The following TLE2 variants were observed in gnomAD, a reference collection of about 807,000 sequenced individuals.
The protein encoded by TLE2 is transducin-like enhancer protein 2.
TLE2 carries 74 observed loss-of-function variants against 97.2 expected under a neutral mutation model. The observed-to-expected ratio is 0.76, with a 90% CI of 0.63 to 0.92. TLE2 has a LOEUF of 0.92. TLE2 is among the 40% of genes least tolerant of loss of function. The pLI is 0.00. For missense variants in TLE2, 1,038 were observed against 1,008.7 expected (o/e 1.03, Z -0.39); for synonymous variants, 499 against 432.1 (o/e 1.15, Z -1.92).
intron 19 of TLE2, among the ~76,000 whole-genome samples, chr19:2,999,109 C>A (rs62125442): frequency 2.0e-5 from 3 of 151,800 alleles, no homozygotes; most frequent in Non-Finnish European, 4.4e-5. Context: ...TGGGGAATCC[C>A]CGTCTCTACT....
rs776053623 is a variant in TLE2 at position 3,027,860 on chromosome 19, G to A, written c.200C>T (p.Ser67Leu). ...ATGCATTTCAATGTTGAGCCCGTAC[G>A]ACATCTCATAATACTGCAAAGGAAA... ...QRHYVMYYEM[S>L]YGLNIEMHKQ... Residue 67 changes from serine (S) to leucine (L), a missense_variant, in exon 4 of 20, where the codon TCG (serine) becomes TTG (leucine). Physicochemically the swap from Ser to Leu is moderately radical, Grantham distance 145. Transcript: ENST00000262953. The A allele has an allele frequency of 6.2e-6, 10 of 1,611,196 alleles. No homozygotes were observed. The Admixed American group carries it at 1.0e-4, about 16-fold the overall frequency.
chr19:3,027,671 T>C (rs770990905), intron 4 of TLE2, among the ~76,000 whole-genome samples, 158 bp downstream of exon 4: 3 of 152,180 alleles, frequency 2.0e-5, no homozygotes, highest in Admixed American at 6.5e-5. Context: ...TCTGTCTTCC[T>C]GGTCCCAGAT....
intron 19 of TLE2, 70 bp downstream of exon 19, chr19:3,000,577 C>T (rs1319542652): frequency 3.5e-6 from 5 of 1,431,650 alleles, no homozygotes; most frequent in Non-Finnish European, 4.8e-6. Context: ...CAGGGGCAAT[C>T]TCTCTGTCTG....
At position 3,015,658 on chromosome 19, in the gene TLE2, G is replaced by A; in HGVS notation, c.673C>T (p.Pro225Ser). The A allele has an allele frequency of 6.2e-7, 1 of 1,607,278 alleles. No individual in the cohort carries two copies. Among genetic ancestry groups the A allele is most frequent in the Non-Finnish European group, 8.5e-7 (1 of 1,177,582 alleles). ...CTGCACCTGCCCCCACTCACATAAG[G>A]TCCTGATGGCTCCTTCTCATCTGCT... ...QRADEKEPSG[P>S]YESDEDKSDY... Residue 225 changes from proline (P) to serine (S), a missense_variant, in exon 9 of 20, where the codon CCT (proline) becomes TCT (serine). Physicochemically the swap from Pro to Ser is moderately conservative, Grantham distance 74. Coordinates refer to ENST00000262953, the MANE Select transcript of TLE2 (RefSeq NM_003260.5).
In TLE2 at chr19:3,019,501, C is replaced by T. The variant is rs754392605; in HGVS notation, c.370-38G>A. ...AGGCAGGATGGGCCGGGGCGGGGGG[C>T]GGCAGGAGCCCAGCGGTCCCCAGCC... On this transcript the variant is annotated intron_variant, in intron 6 of 19. Coordinates refer to ENST00000262953, the MANE Select transcript of TLE2 (RefSeq NM_003260.5). The surrounding 1 kb of genome is among the most constrained non-coding windows in gnomAD (Gnocchi z 5.1). 9.4e-6 allele frequency: 14 copies of T among 1,484,544 alleles called. No individual in the cohort carries two copies. Among genetic ancestry groups the T allele is most frequent in the Middle Eastern group, 2.3e-4 (1 of 4,326 alleles). 92.0% of individuals were successfully genotyped at this position (1,484,544 alleles called of 1,614,324 possible).
rs530394864 is a variant in TLE2, at chr19:3,005,966, G to A, written c.1503C>T (p.Asn501=). 1.6e-5 allele frequency: 26 copies of A among 1,609,932 alleles called. No individual in the cohort carries two copies. In the Middle Eastern group the frequency reaches 1.2e-3, roughly 72 times the overall value. The part of the protein sequence containing the change: ...KTPVAQLDCL[N]RDNYIRSCKL... ...TGCAGGAACGAATGTAGTTGTCTCG[G>A]TTCTGGGGTCGGGGAGAGAAGCAGG... is the stretch of plus-strand genomic sequence containing the variant. Residue 501 remains asparagine (N), a splice_region_variant and synonymous_variant, in exon 16 of 20, where the codon AAC becomes AAT. Transcript: ENST00000262953.
At chr19:3,022,799 G>T (rs1333977979) in intron 5 of TLE2, among the ~76,000 whole-genome samples, 1 of 152,002 alleles carries the variant, frequency 6.6e-6, no homozygotes, top group Non-Finnish European at 1.5e-5. Context: ...GGATGGGTTG[G>T]AAGACTTTCT....
At chr19:3,026,674 C>T (rs1212847502) in intron 4 of TLE2, among the ~76,000 whole-genome samples, 1 of 148,898 alleles carries the variant, frequency 6.7e-6, no homozygotes, top group Admixed American at 6.7e-5. Flanking sequence ...ATCTCTGAAC[C>T]CTGATGTCTA....
At chr19:3,028,596 G>A in intron 2 of TLE2, 110 bp downstream of exon 2, 1 of 1,317,380 alleles carries the variant, frequency 7.6e-7, no homozygotes, top group Non-Finnish European at 1.1e-6. Context: ...GGCCTTTGTC[G>A]CGCCCCCCCT....
chr19:3,044,565 G>A (rs538443355), intron 1 of TLE2, among the ~76,000 whole-genome samples: 49 of 152,328 alleles, frequency 3.2e-4, no homozygotes, highest in African/African-American at 1.1e-3. Context: ...GATTACAGGT[G>A]TGCGCCACCA....
Position 3,019,039 on chromosome 19 carries a change from C to A in TLE2, c.550+244G>T, listed in dbSNP as rs2089779887. ...TCGGCCTCCTAAGTACCTGGGAATA[C>A]AGGTGTGCACCATCCCACCCAGCAA... On this transcript the variant is annotated intron_variant, in intron 7 of 19. Transcript: ENST00000262953. This position sits in a 1 kb window ranked among gnomAD's most constrained non-coding sequence, Gnocchi z 5.1. Among the ~76,000 whole-genome samples the A allele has an allele frequency of 6.6e-6, 1 of 151,928 alleles. No homozygotes were observed.
chr19:3,041,215 T>C (rs367612440), intron 1 of TLE2, among the ~76,000 whole-genome samples: 1 of 150,844 alleles, frequency 6.6e-6, no homozygotes, highest in East Asian at 1.9e-4. Context: ...TTAGTAGAGA[T>C]GGGGTTTCAC....
chr19:3,019,563 C>T lies in TLE2; in HGVS notation c.370-100G>A. On this transcript the variant is annotated intron_variant, in intron 6 of 19. Transcript: ENST00000262953. The surrounding 1 kb of genome is among the most constrained non-coding windows in gnomAD (Gnocchi z 5.1). ...CACAGGGGATGGGACCTAAGCACAG[C>T]ATGTGCCCCTGGGGTTCCCAGGACC... 6.7e-7 allele frequency: 1 copy of T among 1,495,924 alleles called. No individual in the cohort carries two copies. 92.7% of individuals were successfully genotyped at this position (1,495,924 alleles called of 1,614,324 possible).
chr19:3,016,419 C>CAAAAAAAAA (rs34669546), intron 8 of TLE2, among the ~76,000 whole-genome samples: 84 of 91,308 alleles, frequency 9.2e-4, no homozygotes, highest in Non-Finnish European at 1.2e-3. Context: ...ACTAAAAATA[C>CAAAAAAAAA]AAAAAAAAAA....
At chr19:3,022,861 G>A (rs1184762349) in intron 5 of TLE2, among the ~76,000 whole-genome samples, 1 of 152,120 alleles carries the variant, frequency 6.6e-6, no homozygotes, top group Non-Finnish European at 1.5e-5. Flanking sequence ...AGAGGTCTCT[G>A]TTGCAACTAC....
At chr19:2,999,239 G>A (rs780900504) in intron 19 of TLE2, among the ~76,000 whole-genome samples, 20 of 151,994 alleles carry the variant, frequency 1.3e-4, no homozygotes, top group Middle Eastern at 3.4e-3. Context: ...CTGAGATTGC[G>A]CCACTGCACT....
upstream of TLE2, among the ~76,000 whole-genome samples, chr19:3,033,745 T>C (rs2090043123): frequency 6.6e-6 from 1 of 152,056 alleles, no homozygotes; most frequent in African/African-American, 2.4e-5. Context: ...TAAGCACAGG[T>C]GTGGTGGCTC....
chr19:3,005,524 C>G lies in TLE2; in HGVS notation c.1809G>C (p.Arg603=). 6.2e-7 allele frequency: 1 copy of G among 1,613,710 alleles called. No homozygotes were observed. Among genetic ancestry groups the G allele is most frequent in the Non-Finnish European group, 8.5e-7 (1 of 1,179,814 alleles). The change falls in exon 17 of 20, where the codon CGG becomes CGC. Residue 603 remains arginine, a synonymous_variant. Coordinates refer to ENST00000262953, the MANE Select transcript of TLE2 (RefSeq NM_003260.5). ...SCIDISDYGT[R]LWTGGLDNTV... is the part of the protein sequence containing the mutation. The stretch of plus-strand genomic sequence containing the variant: ...TGTTGTCCAGGCCCCCTGTCCAGAG[C>G]CGAGTGCCGTAATCGGAAATATCAA...
rs1223318845 is a variant in TLE2, at chr19:3,028,753, G to A, written c.75C>T (p.Cys25=). ...ACTGGAATTCTTCTTTGATGCGGTCGCAGATCTCCAAGATCGAGAACTTGA... is the reference window on the plus strand; with the variant it reads ...ACTGGAATTCTTCTTTGATGCGGTCACAGATCTCCAAGATCGAGAACTTGA... ...QPFKFSILEI[C]DRIKEEFQFL... The change falls in exon 2 of 20, where the codon TGC becomes TGT. Residue 25 remains cysteine (C), a synonymous_variant. Transcript: ENST00000262953. 6.2e-7 allele frequency: 1 copy of A among 1,612,934 alleles called. No homozygotes were observed. Among genetic ancestry groups the A allele is most frequent in the East Asian group, 2.2e-5 (1 of 44,852 alleles).
Sources: gnomAD v4.1 joint callset for allele counts (sites outside exome capture counted in the v4.1 genomes callset) on GRCh38, gnomAD v4.1.1 for gene constraint, Gnocchi (gnomAD v3.1) non-coding constraint, MANE v1.5 for transcripts, NCBI Gene and HGNC (gene_info 2026-07-23, HGNC 2026-07-21) for gene names.